Variants in KCTD8 observed in about 807,000 individuals in gnomAD.
KCTD8 encodes potassium channel tetramerization domain containing 8, also known as BTB/POZ domain-containing protein KCTD8.
KCTD8 carries 27 observed loss-of-function variants against 31.5 expected under a neutral mutation model. That is an observed-to-expected ratio of 0.86 (90% CI 0.63 to 1.18). KCTD8 has a LOEUF of 1.18. Ranked by LOEUF, KCTD8 falls within the 50% of genes most tolerant of loss-of-function variation. KCTD8 has a pLI of 0.00. For missense variants in KCTD8, 658 were observed against 647.7 expected (o/e 1.02, Z -0.17); for synonymous variants, 290 against 280.0 (o/e 1.04, Z -0.36).
chr4:44,368,458 C>T (rs1719698337), intron 1 of KCTD8, among the ~76,000 whole-genome samples: 1 of 152,028 alleles, frequency 6.6e-6, no homozygotes, highest in Admixed American at 6.6e-5. Flanking sequence ...TGGAATTCAA[C>T]CAATTACCAC....
At chr4:44,294,262 G>A (rs1409060187) in intron 1 of KCTD8, among the ~76,000 whole-genome samples, 1 of 152,056 alleles carries the variant, frequency 6.6e-6, no homozygotes, top group Non-Finnish European at 1.5e-5. Context: ...CAGAAAAATG[G>A]AAGCCAGTCT....
chr4:44,279,626 T>C (rs1288513653), intron 1 of KCTD8, among the ~76,000 whole-genome samples: 1 of 152,096 alleles, frequency 6.6e-6, no homozygotes, highest in Non-Finnish European at 1.5e-5. Context: ...AGCATATTCA[T>C]GAGCATGATC....
intron 1 of KCTD8, among the ~76,000 whole-genome samples, chr4:44,221,635 G>A (rs11942043): frequency 0.035 from 5,360 of 152,126 alleles, 311 homozygotes; most frequent in African/African-American, 0.12. Context: ...AACCACTGGC[G>A]TATGTCCAGG....
chr4:44,292,118 A>G (rs1717298703), intron 1 of KCTD8, among the ~76,000 whole-genome samples: 1 of 152,120 alleles, frequency 6.6e-6, no homozygotes, highest in Non-Finnish European at 1.5e-5. Context: ...CAATCCCATT[A>G]CTAGGTACAT....
chr4:44,401,474 A>C (rs531923925), intron 1 of KCTD8, among the ~76,000 whole-genome samples: 1 of 152,262 alleles, frequency 6.6e-6, no homozygotes, highest in South Asian at 2.1e-4. Flanking sequence ...AGTTGGGAGA[A>C]CATATCACAG....
intron 1 of KCTD8, among the ~76,000 whole-genome samples, chr4:44,376,857 C>A (rs1245510904): frequency 2.0e-5 from 3 of 151,974 alleles, no homozygotes; most frequent in African/African-American, 7.3e-5. Flanking sequence ...GCCTTCCTGG[C>A]AAAGGAGGTA....
rs767982235 is a variant in KCTD8 at position 44,175,220 on chromosome 4, T to C, written c.992A>G (p.Gln331Arg). 3.2e-5 allele frequency: 51 copies of C among 1,583,760 alleles called. No homozygotes were observed. Among genetic ancestry groups the C allele is most frequent in the Non-Finnish European group, 4.4e-5 (51 of 1,165,510 alleles). The change falls in exon 2 of 2, where the codon CAA becomes CGA. Residue 331 changes from glutamine (Q) to arginine (R), a missense_variant. Physicochemically the swap from Gln to Arg is conservative, Grantham distance 43. Coordinates refer to ENST00000360029, the MANE Select transcript of KCTD8 (RefSeq NM_198353.3). ...RPPQKIVSPK[Q>R]EHEDRKHDKV... is the part of the protein sequence containing the mutation. The stretch of plus-strand genomic sequence containing the variant: ...GTCATGTTTCCTATCTTCATGTTCT[T>C]GTTTAGGTGATACTATTTTCTGAGG...
intron 1 of KCTD8, among the ~76,000 whole-genome samples, chr4:44,217,919 T>G (rs796688904): frequency 3.9e-5 from 6 of 152,178 alleles, no homozygotes; most frequent in African/African-American, 1.2e-4. Context: ...TACTGGCTTC[T>G]TTCTCCCTCA....
intron 1 of KCTD8, among the ~76,000 whole-genome samples, chr4:44,358,958 C>A (rs918984624): frequency 2.6e-5 from 4 of 152,152 alleles, no homozygotes; most frequent in African/African-American, 9.7e-5. Context: ...TTGCTGGCTG[C>A]ATAAATATCT....
intron 1 of KCTD8, among the ~76,000 whole-genome samples, chr4:44,193,754 T>G (rs1216559001): frequency 6.6e-6 from 1 of 152,178 alleles, no homozygotes; most frequent in Non-Finnish European, 1.5e-5. Context: ...CAATGTCTAT[T>G]TATCAAATGT....
chr4:44,211,501 GC>G (rs1362996377), intron 1 of KCTD8, among the ~76,000 whole-genome samples: 1 of 152,090 alleles, frequency 6.6e-6, no homozygotes, highest in Non-Finnish European at 1.5e-5. Context: ...GTTGTGAGTT[GC>G]TATAGTTCAC....
intron 1 of KCTD8, among the ~76,000 whole-genome samples, chr4:44,344,093 G>A (rs1251893863): frequency 6.6e-6 from 1 of 152,016 alleles, no homozygotes; most frequent in Non-Finnish European, 1.5e-5. Context: ...TCTTGACCTT[G>A]TGATCCACCC....
intron 1 of KCTD8, among the ~76,000 whole-genome samples, chr4:44,369,700 G>T (rs1177329189): frequency 1.3e-5 from 2 of 152,118 alleles, no homozygotes; most frequent in Non-Finnish European, 2.9e-5. Context: ...GAGAGGCTGA[G>T]GTGGGAGAGT....
At chr4:44,338,935 A>G (rs1019630491) in intron 1 of KCTD8, among the ~76,000 whole-genome samples, 2 of 152,136 alleles carry the variant, frequency 1.3e-5, no homozygotes, top group Non-Finnish European at 2.9e-5. Context: ...GGAGAAAAAG[A>G]TTAGGCCTTT....
At chr4:44,296,894 G>A (rs7665717) in intron 1 of KCTD8, among the ~76,000 whole-genome samples, 18,176 of 151,766 alleles carry the variant, frequency 0.12, 1,302 homozygotes, top group East Asian at 0.24. Context: ...TCCATGTTAC[G>A]TGAGGTCTAA....
chr4:44,412,264 C>T (rs1720979699), intron 1 of KCTD8, among the ~76,000 whole-genome samples: 1 of 152,102 alleles, frequency 6.6e-6, no homozygotes, highest in South Asian at 2.1e-4. Context: ...CAGCTCTAAC[C>T]TACAAGACTA....
At chr4:44,233,570 T>C (rs543576932) in intron 1 of KCTD8, among the ~76,000 whole-genome samples, 2 of 152,292 alleles carry the variant, frequency 1.3e-5, no homozygotes, top group South Asian at 2.1e-4. Flanking sequence ...GGTTTAGATA[T>C]GATGAACTGA....
rs577031995 is a variant in KCTD8 at position 44,320,128 on chromosome 4, C to T, written c.961+127435G>A. 3.9e-5 allele frequency among the ~76,000 whole-genome samples: 5 copies of T among 129,010 alleles called. No individual in the cohort carries two copies. The East Asian group carries it at 1.3e-3, about 33-fold the overall frequency. 84.6% of individuals were successfully genotyped at this position (129,010 alleles called of 152,430 possible). On this transcript the variant is annotated intron_variant, in intron 1 of 1. Coordinates refer to ENST00000360029, the MANE Select transcript of KCTD8 (RefSeq NM_198353.3). ...CAGAGGTTGCAGTGAGCCAAGATGG[C>T]TCTACTGCCCTCACACTGGGTGACA... is the stretch of plus-strand genomic sequence containing the variant.
chr4:44,179,331 T>C (rs11936640), intron 1 of KCTD8, among the ~76,000 whole-genome samples: 8,539 of 151,850 alleles, frequency 0.056, 824 homozygotes, highest in African/African-American at 0.2. Context: ...TTTGAAATGC[T>C]TGGGATATTT....
Sources: gnomAD v4.1 joint callset for allele counts (sites outside exome capture counted in the v4.1 genomes callset) on GRCh38, gnomAD v4.1.1 for gene constraint, MANE v1.5 for transcripts, NCBI Gene and HGNC (gene_info 2026-07-23, HGNC 2026-07-21) for gene names.